Variants in RFX6 observed in about 807,000 individuals in gnomAD.
The protein encoded by RFX6 is regulatory factor X6.
A neutral mutation model predicts 110.8 loss-of-function variants in RFX6; 50 were observed. The observed-to-expected ratio is 0.45, with a 90% CI of 0.36 to 0.57. The LOEUF (loss-of-function observed/expected upper bound fraction) is 0.57, where lower values mean the gene tolerates loss of function less well. Among genes scored for constraint, RFX6 ranks in the 20% least tolerant of loss-of-function variants. The pLI, the probability that RFX6 is intolerant of heterozygous loss-of-function variation, is 0.00. For missense variants in RFX6, 990 were observed against 1,127.0 expected (o/e 0.88, Z 1.74); for synonymous variants, 383 against 411.2 (o/e 0.93, Z 0.83).
At chr6:116,930,450 G>GTT (rs1775858639) in intron 18 of RFX6, among the ~76,000 whole-genome samples, 1 of 152,096 alleles carries the variant, frequency 6.6e-6, no homozygotes, top group Non-Finnish European at 1.5e-5. Flanking sequence ...CCTGTAAGAA[G>GTT]TTTACATTCT....
chr6:116,904,462 T>C (rs768182665), intron 6 of RFX6, among the ~76,000 whole-genome samples: 2 of 152,178 alleles, frequency 1.3e-5, no homozygotes, highest in Non-Finnish European at 2.9e-5. Flanking sequence ...AAAGTTGCTC[T>C]GAACATTTAT....
At chr6:116,931,264 A>G in intron 18 of RFX6, 67 bp from the exon 19 acceptor site, 1 of 1,154,078 alleles carries the variant, frequency 8.7e-7, no homozygotes, top group East Asian at 2.3e-5. Flanking sequence ...TATTAAAATG[A>G]GTGGCATTTG....
At position 116,931,421 on chromosome 6, in the gene RFX6, C is replaced by T. The variant is rs750442479; in HGVS notation, c.2702C>T (p.Ser901Phe). The change falls in exon 19 of 19, where the codon TCC (serine) becomes TTC (phenylalanine). Residue 901 changes from serine to phenylalanine, a missense_variant. Transcript: ENST00000332958. ...TATCCAGCTCAAGAAACCCTGGACT[C>T]CCATGGAACAAGCAGTAGAGAAATG... ...NQYPAQETLD[S>F]HGTSSREMVS... 6.2e-7 allele frequency: 1 copy of T among 1,612,294 alleles called. No homozygotes were observed. Among genetic ancestry groups the T allele is most frequent in the Admixed American group, 1.7e-5 (1 of 59,994 alleles).
At position 116,882,437 on chromosome 6, in the gene RFX6, C is replaced by A. The variant is rs539746095; in HGVS notation, c.566+9C>A. On this transcript the variant is annotated intron_variant, in intron 4 of 18. Transcript: ENST00000332958. Reference sequence around the variant, plus strand: ...ACAAGAGGCCATTCAAAGTAAGATACCAGTGAACATATTCAGGTTCTGCTC... The same window carrying A: ...ACAAGAGGCCATTCAAAGTAAGATAACAGTGAACATATTCAGGTTCTGCTC... 64 of 1,598,302 alleles carry A rather than the reference C, an allele frequency of 4.0e-5. No individual in the cohort carries two copies. Among genetic ancestry groups the A allele is most frequent in the Middle Eastern group, 1.7e-4 (1 of 6,014 alleles).
Position 116,931,929 on chromosome 6 carries a change from T to C in RFX6, c.*423T>C, listed in dbSNP as rs1775895037. The C allele has an allele frequency of 1.2e-5, 2 of 171,966 alleles. No homozygotes were observed. The highest frequency in any genetic ancestry group is 4.8e-5 in the African/African-American group (2 of 41,596). 10.7% of individuals were successfully genotyped at this position (171,966 alleles called of 1,614,324 possible). On this transcript the variant is annotated 3_prime_UTR_variant, in exon 19 of 19. Transcript: ENST00000332958. ...GAATCATTGTTTACTATCCCTTATT[T>C]GACAAAAAGTCAAATGTGTATGTTC...
rs2114693442 is a variant in RFX6 at position 116,916,328 on chromosome 6, G to A, written c.972+14G>A. 1 of 1,472,142 alleles carries A rather than the reference G, an allele frequency of 6.8e-7. No homozygotes were observed. Among genetic ancestry groups the A allele is most frequent in the East Asian group, 2.3e-5 (1 of 44,118 alleles). The allele number at this position is 1,472,142 out of a possible 1,614,324, so 91.2% of individuals were successfully genotyped here. A position where few individuals can be genotyped will look rare whatever the true frequency, so the allele number is the denominator to read the frequency against. On this transcript the variant is annotated intron_variant, in intron 9 of 18. Transcript: ENST00000332958. ...ATTCTTTATAAGGTAAGCACTTTGG[G>A]ATGTCTTAAACATGAGCCATTTATT...
chr6:116,892,526 C>A (rs535694225), intron 4 of RFX6, among the ~76,000 whole-genome samples: 1 of 152,248 alleles, frequency 6.6e-6, no homozygotes, highest in South Asian at 2.1e-4. Flanking sequence ...GAGGTGTGGT[C>A]AGGGGGTAGC....
rs921053968 is a variant in RFX6, at chr6:116,910,840, G to C, written c.673-95G>C. 3.3e-6 allele frequency: 3 copies of C among 898,310 alleles called. No homozygotes were observed. The African/African-American group carries it at 4.9e-5, about 15-fold the overall frequency. 55.6% of individuals were successfully genotyped at this position (898,310 alleles called of 1,614,324 possible). On this transcript the variant is annotated intron_variant, in intron 6 of 18. Coordinates refer to ENST00000332958, the MANE Select transcript of RFX6 (RefSeq NM_173560.4). ...TTCTCATGGTTTGCAGGATGAAGAAGAATGAAATTTTATGGATTTGTATTT... is the reference window on the plus strand; with the variant it reads ...TTCTCATGGTTTGCAGGATGAAGAACAATGAAATTTTATGGATTTGTATTT...
intron 18 of RFX6, among the ~76,000 whole-genome samples, chr6:116,929,208 A>C (rs75471851): frequency 6.6e-6 from 1 of 152,122 alleles, no homozygotes; most frequent in African/African-American, 2.4e-5. Flanking sequence ...GTTACTTTTT[A>C]CAAAAAAAAT....
chr6:116,903,386 T>G (rs551688420), intron 6 of RFX6, among the ~76,000 whole-genome samples: 11 of 152,060 alleles, frequency 7.2e-5, no homozygotes, highest in Non-Finnish European at 1.3e-4. Context: ...TTTCTTAATA[T>G]GTGTTTCTTT....
chr6:116,903,832 G>A (rs950964758), intron 6 of RFX6, among the ~76,000 whole-genome samples: 7 of 151,506 alleles, frequency 4.6e-5, no homozygotes, highest in Non-Finnish European at 7.4e-5. Context: ...ATCCCAATGC[G>A]TTTATTCATT....
At chr6:116,922,230 G>C (rs1775616258) in intron 13 of RFX6, 79 bp downstream of exon 13, 1 of 794,600 alleles carries the variant, frequency 1.3e-6, no homozygotes, top group Admixed American at 1.8e-5. Flanking sequence ...TTTTGTCTGG[G>C]GGGAGAGGGG....
intron 2 of RFX6, 44 bp downstream of exon 2, chr6:116,877,996 T>C (rs1302359637): frequency 1.3e-6 from 2 of 1,579,652 alleles, no homozygotes; most frequent in Non-Finnish European, 1.7e-6. Flanking sequence ...TGTTGACGTT[T>C]TAACAGCCAG....
intron 7 of RFX6, among the ~76,000 whole-genome samples, chr6:116,913,869 C>A (rs939947572): frequency 6.6e-6 from 1 of 152,084 alleles, no homozygotes; most frequent in African/African-American, 2.4e-5. Context: ...ATAATTTGTA[C>A]GGATAAATCA....
At chr6:116,908,228 A>G (rs947282217) in intron 6 of RFX6, among the ~76,000 whole-genome samples, 3 of 152,048 alleles carry the variant, frequency 2.0e-5, no homozygotes, top group Non-Finnish European at 4.4e-5. Context: ...TTTATCTCCC[A>G]TATACGAGTG....
At chr6:116,888,545 T>C (rs1562134030) in intron 4 of RFX6, among the ~76,000 whole-genome samples, 1 of 152,190 alleles carries the variant, frequency 6.6e-6, no homozygotes, top group African/African-American at 2.4e-5. Flanking sequence ...CCCAGGATTT[T>C]CGAGCATTTA....
At position 116,927,039 on chromosome 6, in the gene RFX6, T is replaced by A; in HGVS notation, c.1898T>A (p.Leu633His). The A allele has an allele frequency of 6.2e-7, 1 of 1,614,012 alleles. No homozygotes were observed. Among genetic ancestry groups the A allele is most frequent in the Non-Finnish European group, 8.5e-7 (1 of 1,179,888 alleles). ...DNMPLTGQME[L>H]SQIAGHLMTP... The stretch of plus-strand genomic sequence containing the variant: ...TGATTTTTTCCAGGTCAAATGGAGC[T>A]TTCACAGATTGCTGGTCATCTGATG... Residue 633 changes from leucine (L) to histidine (H), a missense_variant, in exon 17 of 19, where the codon CTT becomes CAT. By Grantham distance (99) the Leu-to-His change is moderately conservative. Transcript: ENST00000332958.
chr6:116,923,413 A>T, intron 14 of RFX6, 189 bp downstream of exon 14: 1 of 587,184 alleles, frequency 1.7e-6, no homozygotes. Flanking sequence ...TTAAATCCTA[A>T]CAATGATTGT....
intron 17 of RFX6, among the ~76,000 whole-genome samples, chr6:116,928,213 G>T (rs906774448): frequency 1.3e-5 from 2 of 152,034 alleles, no homozygotes; most frequent in Non-Finnish European, 2.9e-5. Context: ...AGATTTTAAA[G>T]ATTGGGAACA....
Sources: allele counts gnomAD v4.1 joint callset (sites outside exome capture counted in the v4.1 genomes callset), GRCh38; gene constraint gnomAD v4.1.1; transcripts MANE v1.5; gene names NCBI Gene and HGNC (gene_info 2026-07-23, HGNC 2026-07-21).